RNF145: variants seen among roughly 807,000 people sequenced by gnomAD.
RNF145 encodes the protein ring finger protein 145.
In RNF145, 12 loss-of-function variants were observed where a neutral mutation model predicts 57.3. The observed-to-expected ratio is 0.21, with a 90% CI of 0.13 to 0.34. The LOEUF (loss-of-function observed/expected upper bound fraction) is 0.34. Among genes scored for constraint, RNF145 ranks in the 10% least tolerant of loss-of-function variants. The pLI is 1.00. For missense variants in RNF145, 429 were observed against 799.0 expected, an observed-to-expected ratio of 0.54 and a Z score of 5.58; for synonymous variants, 262 against 288.3, an observed-to-expected ratio of 0.91 and a Z score of 0.92.
intron 3 of RNF145, among the ~76,000 whole-genome samples, chr5:159,183,789 C>G (rs1584688546): frequency 6.6e-6 from 1 of 152,086 alleles, no homozygotes; most frequent in African/African-American, 2.4e-5. Flanking sequence ...AAAATCCATA[C>G]AGACAAAACA....
chr5:159,183,372 G>A (rs1784955933), intron 3 of RNF145, among the ~76,000 whole-genome samples: 1 of 152,172 alleles, frequency 6.6e-6, no homozygotes, highest in Admixed American at 6.5e-5. Flanking sequence ...CACCTAGTGT[G>A]TAAAGGCCAA....
intron 5 of RNF145, among the ~76,000 whole-genome samples, chr5:159,174,558 A>G (rs1416955784): frequency 1.3e-5 from 2 of 152,192 alleles, no homozygotes; most frequent in African/African-American, 4.8e-5. Flanking sequence ...AAAAAAATGC[A>G]AAAGTAAAAA....
At position 159,158,946 on chromosome 5, in the gene RNF145, A is replaced by C; in HGVS notation, c.1716T>G (p.Pro572=). The C allele has an allele frequency of 6.2e-7, 1 of 1,613,940 alleles. No individual in the cohort carries two copies. The highest frequency in any genetic ancestry group is 8.5e-7 in the Non-Finnish European group (1 of 1,179,856). Reference sequence around the variant, plus strand: ...AGTTTTTCAGATGGCAGTGGCACAGAGGGCAGGTCTCCTGGACATACAGCC... The same window carrying C: ...AGTTTTTCAGATGGCAGTGGCACAGCGGGCAGGTCTCCTGGACATACAGCC... ...KKWLYVQETC[P]LCHCHLKNSS... is the part of the protein sequence containing the mutation. Residue 572 remains proline, a synonymous_variant, in exon 11 of 11, where the codon CCT becomes CCG. Transcript: ENST00000424310.
rs1562042870 is a variant in RNF145, at chr5:159,158,790, T to TTCCTGTA, written c.1865_1871dup (p.Glu624AspfsTer9). On this transcript the variant is annotated frameshift_variant, in exon 11 of 11. Transcript: ENST00000424310. LOFTEE classifies it low-confidence loss of function (END_TRUNC). Reference sequence around the variant, plus strand: ...TGTACTCATTATTGTCCCTGGAACCTTCCTGTATCCTGGTCCCTGGAGTAT... The same window carrying TTCCTGTA: ...TGTACTCATTATTGTCCCTGGAACCTTCCTGTATCCTGTATCCTGGTCCCTGGAGTAT... 1 of 1,614,000 alleles carries TTCCTGTA rather than the reference T, an allele frequency of 6.2e-7. No individual in the cohort carries two copies. Among genetic ancestry groups the TTCCTGTA allele is most frequent in the Admixed American group, 1.7e-5 (1 of 60,020 alleles).
intron 8 of RNF145, among the ~76,000 whole-genome samples, chr5:159,164,348 T>C (rs1445877039): frequency 6.6e-6 from 1 of 152,198 alleles, no homozygotes; most frequent in Non-Finnish European, 1.5e-5. Flanking sequence ...AGCTGTACTG[T>C]GTTAGATGAT....
At chr5:159,178,839 C>G (rs1226372020) in intron 4 of RNF145, among the ~76,000 whole-genome samples, 1 of 151,944 alleles carries the variant, frequency 6.6e-6, no homozygotes, top group African/African-American at 2.4e-5. Flanking sequence ...TAGAAAAATA[C>G]AAAAATGTCA....
chr5:159,207,576 G>C (rs1258665492), intron 1 of RNF145: 16 of 1,595,930 alleles, frequency 1.0e-5, no homozygotes, highest in Non-Finnish European at 1.3e-5. Context: ...CCATCGGTTA[G>C]GATGGTAGGC....
In RNF145 at chr5:159,158,687, G is replaced by T. The variant is rs1222793504; in HGVS notation, c.1975C>A (p.Pro659Thr). Residue 659 changes from proline (P) to threonine (T), a missense_variant, in exon 11 of 11, where the codon CCT becomes ACT. By Grantham distance (38) the Pro-to-Thr change is conservative (BLOSUM62 -1). This residue lies in a region of RNF145 where 102 missense variants were observed against 106.2 expected (regional missense o/e 0.96). Coordinates refer to ENST00000424310, the MANE Select transcript of RNF145 (RefSeq NM_001199383.2). ...CTTCTCCTCTAGGCTGATTCAACAG[G>T]ATGTGCTTCATCTTTCGCACTGTGA... ...YPHSAKDEAH[P>T]VESA 1.2e-6 allele frequency: 2 copies of T among 1,613,740 alleles called. No homozygotes were observed.
chr5:159,194,872 T>A, intron 2 of RNF145, 48 bp from the exon 3 acceptor site: 1 of 1,291,044 alleles, frequency 7.7e-7, no homozygotes, highest in Non-Finnish European at 1.1e-6. Context: ...AGTTTCCCAA[T>A]TAATTACAAT....
chr5:159,195,120 T>C (rs1785413880), intron 2 of RNF145, among the ~76,000 whole-genome samples: 1 of 152,190 alleles, frequency 6.6e-6, no homozygotes, highest in Non-Finnish European at 1.5e-5. Context: ...ATCAACTTAC[T>C]TGTTTTATGC....
chr5:159,160,468 GT>G lies in RNF145; in HGVS notation c.1626+797del, dbSNP rs146497251. ...GAAGTAAGAATATCCCCTGTATATT[GT>G]TGACACTATCTATAGTTTTATTCTA... On this transcript the variant is annotated intron_variant, in intron 10 of 10. Coordinates refer to ENST00000424310, the MANE Select transcript of RNF145 (RefSeq NM_001199383.2). Among the ~76,000 whole-genome samples, 1,485 of 152,256 alleles carry G rather than the reference GT, an allele frequency of 9.8e-3. 30 individuals are homozygous for G. Among genetic ancestry groups the G allele is most frequent in the African/African-American group, 0.034 (1,394 of 41,556 alleles).
At chr5:159,190,316 G>A (rs1785244246) in intron 3 of RNF145, among the ~76,000 whole-genome samples, 1 of 152,076 alleles carries the variant, frequency 6.6e-6, no homozygotes, top group Admixed American at 6.6e-5. Flanking sequence ...TTACAAGTGT[G>A]AGCCACCATA....
chr5:159,159,892 C>T (rs1251757719), intron 10 of RNF145, among the ~76,000 whole-genome samples: 3 of 152,118 alleles, frequency 2.0e-5, no homozygotes, highest in Admixed American at 6.6e-5. Context: ...GTGTGGATAT[C>T]CCAGAAATTC....
chr5:159,159,125 TC>T, intron 10 of RNF145, 90 bp from the exon 11 acceptor site: 1 of 1,197,078 alleles, frequency 8.4e-7, no homozygotes, highest in African/African-American at 1.5e-5. Flanking sequence ...AACATCTCTT[TC>T]CCACAATAGA....
At position 159,169,723 on chromosome 5, in the gene RNF145, G is replaced by A; in HGVS notation, c.894C>T (p.Tyr298=). 6.2e-7 allele frequency: 1 copy of A among 1,612,456 alleles called. No individual in the cohort carries two copies. Among genetic ancestry groups the A allele is most frequent in the Non-Finnish European group, 8.5e-7 (1 of 1,179,382 alleles). The change falls in exon 7 of 11, where the codon TAC becomes TAT. Residue 298 remains tyrosine (Y), a synonymous_variant. Transcript: ENST00000424310. ...ALGVLTLCKF[Y]LQGYRAFMND... ...TCATGAAAGCTCGATAACCCTGCAAGTAAAACTTGCAGAGTGTGAGAACAC... is the reference window on the plus strand; with the variant it reads ...TCATGAAAGCTCGATAACCCTGCAAATAAAACTTGCAGAGTGTGAGAACAC...
At chr5:159,175,256 C>T (rs1001075565) in intron 5 of RNF145, among the ~76,000 whole-genome samples, 3 of 152,032 alleles carry the variant, frequency 2.0e-5, no homozygotes, top group Admixed American at 6.6e-5. Flanking sequence ...CTCATCATTA[C>T]GAGGCAGAGA....
At position 159,209,456 on chromosome 5, in the gene RNF145, C is replaced by G; in HGVS notation, c.-265G>C. 2 of 982,574 alleles carry G rather than the reference C, an allele frequency of 2.0e-6. No homozygotes were observed. The highest frequency in any genetic ancestry group is 2.4e-6 in the Non-Finnish European group (2 of 827,252). The allele number at this position is 982,574 out of a possible 1,614,324, so 60.9% of individuals were successfully genotyped here. A position where few individuals can be genotyped will look rare whatever the true frequency, so the allele number is the denominator to read the frequency against. ...CGGCCCGTACGGTCACCATCGTCCG[C>G]GGCAGCAGGCGCTCGCGGGCCGAGC... On this transcript the variant is annotated 5_prime_UTR_variant, in exon 1 of 11. Transcript: ENST00000424310.
At chr5:159,204,323 C>A (rs1009941263) in intron 1 of RNF145, among the ~76,000 whole-genome samples, 8 of 151,820 alleles carry the variant, frequency 5.3e-5, no homozygotes, top group Non-Finnish European at 1.2e-4. Flanking sequence ...GATAAGCAGG[C>A]ACATGGAAGA....
At chr5:159,190,145 C>T (rs1240508275) in intron 3 of RNF145, among the ~76,000 whole-genome samples, 1 of 152,122 alleles carries the variant, frequency 6.6e-6, no homozygotes, top group Admixed American at 6.5e-5. Context: ...CAGGCTCAAT[C>T]GATCCTCCAC....
Sources: allele counts gnomAD v4.1 joint callset (sites outside exome capture counted in the v4.1 genomes callset), GRCh38; gene constraint gnomAD v4.1.1; regional missense constraint gnomAD v4.1.1; transcripts MANE v1.5; gene names NCBI Gene and HGNC (gene_info 2026-07-23, HGNC 2026-07-21).